LONRF2: variants seen among roughly 807,000 people sequenced by gnomAD.
The protein encoded by LONRF2 is LON peptidase N-terminal domain and RING finger protein 2.
A neutral mutation model predicts 66.6 loss-of-function variants in LONRF2; 35 were observed. The ratio of observed to expected loss-of-function variants is 0.53; its 90% CI spans 0.40 to 0.70. The LOEUF (loss-of-function observed/expected upper bound fraction) is 0.70. Among genes scored for constraint, LONRF2 ranks in the 30% least tolerant of loss-of-function variants. The probability of loss-of-function intolerance (pLI) is 0.00; values close to 1 mark genes in which losing one functional copy is unlikely to be tolerated. For missense variants in LONRF2, 902 were observed against 1,002.1 expected (o/e 0.90, Z 1.35); for synonymous variants, 417 against 418.1 (o/e 1.00, Z 0.03).
chr2:100,306,508 T>G (rs1366880845), intron 2 of LONRF2, among the ~76,000 whole-genome samples: 1 of 152,214 alleles, frequency 6.6e-6, no homozygotes, highest in African/African-American at 2.4e-5. Flanking sequence ...GTTCGCTGTT[T>G]GGGTAAGATC....
intron 1 of LONRF2, among the ~76,000 whole-genome samples, chr2:100,312,172 G>A (rs1279481649): frequency 6.6e-6 from 1 of 152,032 alleles, no homozygotes; most frequent in African/African-American, 2.4e-5. Flanking sequence ...GAATCCCTGA[G>A]GAGCATCTCA....
In LONRF2 at chr2:100,284,649, T is replaced by G. The variant is rs17023879; in HGVS notation, c.2071-157A>C. ...CAATTCATTCAGCTCTCAAAATACA[T>G]AGTTTACTTTTATGGTACACATTTA... is the stretch of plus-strand genomic sequence containing the variant. On this transcript the variant is annotated intron_variant, in intron 11 of 11. Transcript: ENST00000393437. Among the ~76,000 whole-genome samples, 1,506 of 152,272 alleles carry G rather than the reference T, an allele frequency of 9.9e-3. 23 individuals carry two copies. Among genetic ancestry groups the G allele is most frequent in the African/African-American group, 0.035 (1,445 of 41,498 alleles).
chr2:100,319,992 C>T (rs910840656), intron 1 of LONRF2, among the ~76,000 whole-genome samples: 1 of 152,128 alleles, frequency 6.6e-6, no homozygotes, highest in Non-Finnish European at 1.5e-5. Flanking sequence ...CATCTAAATA[C>T]AGATGAAGTA....
intron 1 of LONRF2, among the ~76,000 whole-genome samples, chr2:100,320,409 C>A (rs917358704): frequency 2.0e-5 from 3 of 152,146 alleles, no homozygotes; most frequent in Non-Finnish European, 4.4e-5. Flanking sequence ...AATTTAGATA[C>A]AGATATTGAA....
At chr2:100,306,862 C>A (rs10194087) in intron 2 of LONRF2, among the ~76,000 whole-genome samples, 1 of 151,246 alleles carries the variant, frequency 6.6e-6, no homozygotes, top group Non-Finnish European at 1.5e-5. Context: ...TAATAACAAA[C>A]TTAGAATATA....
chr2:100,300,568 T>C, intron 4 of LONRF2, 76 bp downstream of exon 4: 1 of 1,403,322 alleles, frequency 7.1e-7, no homozygotes, highest in African/African-American at 1.4e-5. Flanking sequence ...GTGTGAATAA[T>C]CTGTAAACTG....
chr2:100,311,304 T>C (rs1299993292), intron 1 of LONRF2, among the ~76,000 whole-genome samples: 1 of 151,838 alleles, frequency 6.6e-6, no homozygotes, highest in Admixed American at 6.6e-5. Flanking sequence ...GGGAAAAAAA[T>C]GTAATACTTA....
In LONRF2 at chr2:100,290,347, C is replaced by A. The variant is rs771136972; in HGVS notation, c.1831G>T (p.Ala611Ser). Residue 611 changes from alanine to serine, a missense_variant, in exon 10 of 12, where the codon GCG becomes TCG. By Grantham distance (99) the Ala-to-Ser change is moderately conservative (BLOSUM62 1). Transcript: ENST00000393437. ...TFPDGSSVVD[A>S]IGISRFRVLS... is the part of the protein sequence containing the mutation. ...ACTCGGAACCGACTGATGCCAATCG[C>A]GTCTACAACAGAACTTCCATCAGGA... 63 of 1,614,058 alleles carry A rather than the reference C, an allele frequency of 3.9e-5. 1 individual carries two copies. In the South Asian group the frequency reaches 6.0e-4, roughly 15 times the overall value.
rs1024649525 is a variant in LONRF2 at position 100,289,784 on chromosome 2, A to T, written c.1920+474T>A. On this transcript the variant is annotated intron_variant, in intron 10 of 11. Transcript: ENST00000393437. ...TTCTGTACCAGCTCCCAACTCAGGT[A>T]AAAATCCACTGAGAAAATAAATAAC... Among the ~76,000 whole-genome samples the T allele has an allele frequency of 2.6e-5, 4 of 152,118 alleles. No individual in the cohort carries two copies. In the South Asian group the frequency reaches 8.3e-4, roughly 31 times the overall value.
At chr2:100,292,961 C>T (rs754417520) in intron 9 of LONRF2, among the ~76,000 whole-genome samples, 1 of 152,188 alleles carries the variant, frequency 6.6e-6, no homozygotes, top group East Asian at 1.9e-4. Context: ...ATAAATTTGG[C>T]GTCCACATAT....
rs760236927 is a variant in LONRF2 at position 100,277,400 on chromosome 2, T to A, written c.*6898A>T. 1 of 152,318 alleles carries A rather than the reference T, an allele frequency of 6.6e-6. No individual in the cohort carries two copies. Among genetic ancestry groups the A allele is most frequent in the African/African-American group, 2.4e-5 (1 of 41,448 alleles). The allele number at this position is 152,318 out of a possible 1,614,324, so 9.4% of individuals were successfully genotyped here. A position where few individuals can be genotyped will look rare whatever the true frequency, so the allele number is the denominator to read the frequency against. On this transcript the variant is annotated 3_prime_UTR_variant, in exon 12 of 12. Coordinates refer to ENST00000393437, the MANE Select transcript of LONRF2 (RefSeq NM_198461.4). Reference sequence around the variant, plus strand: ...GACCCCAATCTCCAACTGTCCATTATAAACACCTGACAAGCTCAGCAAAAC... The same window carrying A: ...GACCCCAATCTCCAACTGTCCATTAAAAACACCTGACAAGCTCAGCAAAAC...
intron 1 of LONRF2, among the ~76,000 whole-genome samples, chr2:100,319,638 A>G (rs567867273): frequency 6.6e-6 from 1 of 152,320 alleles, no homozygotes; most frequent in African/African-American, 2.4e-5. Context: ...TCCACTTAAC[A>G]TTATGTTTGT....
chr2:100,319,434 C>A (rs1189231297), intron 1 of LONRF2, among the ~76,000 whole-genome samples: 1 of 152,094 alleles, frequency 6.6e-6, no homozygotes, highest in Non-Finnish European at 1.5e-5. Context: ...ACTTGTGTAT[C>A]CATCCCCTAA....
chr2:100,318,831 C>A (rs1282595821), intron 1 of LONRF2, among the ~76,000 whole-genome samples: 91 of 125,522 alleles, frequency 7.2e-4, no homozygotes, highest in East Asian at 9.2e-4. Context: ...GACCTTGTCT[C>A]AAAAAAAAAA....
chr2:100,287,541 T>C (rs982285570), intron 10 of LONRF2, among the ~76,000 whole-genome samples: 3 of 152,178 alleles, frequency 2.0e-5, no homozygotes, highest in Non-Finnish European at 4.4e-5. Context: ...AGTCAAAGGG[T>C]GACATTTTAA....
chr2:100,303,134 A>G (rs1201370124), intron 2 of LONRF2, 91 bp from the exon 3 acceptor site: 5 of 1,247,018 alleles, frequency 4.0e-6, no homozygotes, highest in Non-Finnish European at 5.4e-6. Context: ...TTATTAGAAC[A>G]ATTTGTTTTA....
Position 100,298,637 on chromosome 2 carries a change from A to T in LONRF2, c.1476+199T>A, listed in dbSNP as rs553723614. Among the ~76,000 whole-genome samples the T allele has an allele frequency of 9.1e-4, 139 of 152,244 alleles. No individual in the cohort carries two copies. Among genetic ancestry groups the T allele is most frequent in the African/African-American group, 2.9e-3 (120 of 41,466 alleles). The stretch of plus-strand genomic sequence containing the variant: ...AAAATTTCTACCTAAAAATGTCCTT[A>T]ACATTTAGCAATTTCTGTATGTCAA... On this transcript the variant is annotated intron_variant, in intron 7 of 11. Coordinates refer to ENST00000393437, the MANE Select transcript of LONRF2 (RefSeq NM_198461.4).
At chr2:100,290,124 T>C (rs1446726055) in intron 10 of LONRF2, 134 bp downstream of exon 10, 1 of 855,240 alleles carries the variant, frequency 1.2e-6, no homozygotes, top group Non-Finnish European at 1.7e-6. Flanking sequence ...AACAAATAGA[T>C]AAATAAATAA....
Position 100,304,625 on chromosome 2 carries a change from G to GTTTTTT in LONRF2, c.799-1588_799-1583dup, listed in dbSNP as rs3039612. 4.7e-3 allele frequency among the ~76,000 whole-genome samples: 577 copies of GTTTTTT among 121,984 alleles called. 32 individuals are homozygous for GTTTTTT. Among genetic ancestry groups the GTTTTTT allele is most frequent in the African/African-American group, 0.017 (536 of 31,300 alleles). 80.0% of individuals were successfully genotyped at this position (121,984 alleles called of 152,430 possible). On this transcript the variant is annotated intron_variant, in intron 2 of 11. Transcript: ENST00000393437. ...CACTCAGAGACAATTTTAGTTGACTGTTTTTTTTTTTTTTTTGAGACAGAG... is the reference window on the plus strand; with the variant it reads ...CACTCAGAGACAATTTTAGTTGACTGTTTTTTTTTTTTTTTTTTTTTTGAGACAGAG...
Sources: gnomAD v4.1 joint callset for allele counts (sites outside exome capture counted in the v4.1 genomes callset) on GRCh38, gnomAD v4.1.1 for gene constraint, MANE v1.5 for transcripts, NCBI Gene and HGNC (gene_info 2026-07-23, HGNC 2026-07-21) for gene names.